The following KIF1A variants were observed in gnomAD, a reference collection of about 807,000 sequenced individuals.
KIF1A encodes the protein kinesin family member 1A, also known as kinesin-like protein KIF1A.
KIF1A carries 46 observed loss-of-function variants against 227.3 expected under a neutral mutation model. The ratio of observed to expected loss-of-function variants is 0.20; its 90% CI spans 0.16 to 0.26. The LOEUF is 0.26. Among genes scored for constraint, KIF1A ranks in the 10% least tolerant of loss-of-function variants. KIF1A has a pLI of 1.00. For synonymous variants in KIF1A, 1,022 were observed against 1,012.8 expected, an observed-to-expected ratio of 1.01 and a Z score of -0.17; for missense variants, 1,683 against 2,485.9, an observed-to-expected ratio of 0.68 and a Z score of 6.87.
Position 240,785,020 on chromosome 2 carries a change from T to C in KIF1A, c.689A>G (p.His230Arg), listed in dbSNP as rs760937139. 22 of 1,613,612 alleles carry C rather than the reference T, an allele frequency of 1.4e-5. No individual in the cohort carries two copies. The highest frequency in any genetic ancestry group is 1.8e-5 in the Non-Finnish European group (21 of 1,179,800). ...CGTGGTGATATTGGTCTCTGCGTCATGGCGCTTCTGGGTGAAGATGATGTT... is the reference window on the plus strand; with the variant it reads ...CGTGGTGATATTGGTCTCTGCGTCACGGCGCTTCTGGGTGAAGATGATGTT... The part of the protein sequence containing the change: ...VFNIIFTQKR[H>R]DAETNITTEK... The change falls in exon 7 of 49, where the codon CAT becomes CGT. Residue 230 changes from histidine to arginine, a missense_variant. Around this residue, in one of 12 missense-constraint regions of KIF1A, gnomAD observed 21 missense variants for 35.2 expected, o/e 0.60. Coordinates refer to ENST00000498729, the MANE Select transcript of KIF1A (RefSeq NM_001244008.2).
At chr2:240,784,448 C>T (rs1268997195) in intron 7 of KIF1A, among the ~76,000 whole-genome samples, 1 of 152,210 alleles carries the variant, frequency 6.6e-6, no homozygotes, top group East Asian at 1.9e-4. Flanking sequence ...CTCGTCTGTC[C>T]CCCAACCCAC....
At chr2:240,749,429 C>T (rs910274156) in intron 28 of KIF1A, among the ~76,000 whole-genome samples, 25 of 152,298 alleles carry the variant, frequency 1.6e-4, no homozygotes, top group African/African-American at 3.9e-4. Flanking sequence ...CATGGATGCA[C>T]GTCCTCTCTG....
chr2:240,800,738 G>A (rs749209758), intron 1 of KIF1A, among the ~76,000 whole-genome samples: 26 of 152,312 alleles, frequency 1.7e-4, no homozygotes, highest in Non-Finnish European at 3.1e-4. Context: ...AACCCAAGCT[G>A]AAAACCAAAG....
intron 16 of KIF1A, 149 bp from the exon 17 acceptor site, chr2:240,769,357 A>T (rs1037181041): frequency 1.4e-6 from 1 of 694,854 alleles, no homozygotes; most frequent in Non-Finnish European, 2.4e-6. Flanking sequence ...GGGTTAGGGC[A>T]TCTGCTGATG....
In KIF1A at chr2:240,763,361, G is replaced by A; in HGVS notation, c.1769-15C>T. On this transcript the variant is annotated splice_polypyrimidine_tract_variant and intron_variant, in intron 20 of 48. Coordinates refer to ENST00000498729, the MANE Select transcript of KIF1A (RefSeq NM_001244008.2). ...GATGCGGTTTCCTGGGGAACAGAGG[G>A]ACAGGTGGCCTTGAGGGATGGGGAT... 1.3e-6 allele frequency: 2 copies of A among 1,559,412 alleles called. No individual in the cohort carries two copies. The highest frequency in any genetic ancestry group is 1.7e-6 in the Non-Finnish European group (2 of 1,152,842).
intron 32 of KIF1A, among the ~76,000 whole-genome samples, chr2:240,744,853 G>C (rs1234167669): frequency 6.6e-6 from 1 of 152,174 alleles, no homozygotes; most frequent in African/African-American, 2.4e-5. Flanking sequence ...CCGTGGCCTG[G>C]CACTCAAGGC....
At chr2:240,784,965 C>G in intron 7 of KIF1A, 24 bp downstream of exon 7, 1 of 1,590,122 alleles carries the variant, frequency 6.3e-7, no homozygotes, top group Non-Finnish European at 8.6e-7. Flanking sequence ...CTTGGTGGCA[C>G]CGCCTGTGAG....
Position 240,718,046 on chromosome 2 carries a change from C to T in KIF1A, c.5333+4G>A. ...CAGCAACCTCGCCCTGCAGGCGGCC[C>T]TACCGTATGGTCCCGGCCAGGAGGG... is the stretch of plus-strand genomic sequence containing the variant. On this transcript the variant is annotated splice_donor_region_variant and intron_variant, in intron 48 of 48. Coordinates refer to ENST00000498729, the MANE Select transcript of KIF1A (RefSeq NM_001244008.2). 6.3e-7 allele frequency: 1 copy of T among 1,597,104 alleles called. No homozygotes were observed. Among genetic ancestry groups the T allele is most frequent in the Non-Finnish European group, 8.5e-7 (1 of 1,170,028 alleles).
At chr2:240,784,059 C>T (rs1013457188) in intron 7 of KIF1A, among the ~76,000 whole-genome samples, 3 of 152,204 alleles carry the variant, frequency 2.0e-5, no homozygotes, top group Admixed American at 6.5e-5. Context: ...GGAGCACGGG[C>T]GCTGCCACCA....
rs1029947991 is a variant in KIF1A, at chr2:240,743,841, G to C, written c.3584+101C>G. Reference sequence around the variant, plus strand: ...GGATGGGCAGGGGAGGTGGGTTTCAGGGGGTGCATAGGCTCTGCAGCCTCA... The same window carrying C: ...GGATGGGCAGGGGAGGTGGGTTTCACGGGGTGCATAGGCTCTGCAGCCTCA... On this transcript the variant is annotated intron_variant, in intron 33 of 48. Coordinates refer to ENST00000498729, the MANE Select transcript of KIF1A (RefSeq NM_001244008.2). 3.8e-6 allele frequency: 3 copies of C among 780,244 alleles called. No homozygotes were observed. The African/African-American group carries it at 5.1e-5, about 13-fold the overall frequency. The allele number at this position is 780,244 out of a possible 1,614,324, so 48.3% of individuals were successfully genotyped here.
chr2:240,729,684 T>C (rs2046396449), intron 38 of KIF1A, among the ~76,000 whole-genome samples: 1 of 152,226 alleles, frequency 6.6e-6, no homozygotes, highest in Admixed American at 6.5e-5. Flanking sequence ...TAGCAGAGAA[T>C]TTCTCAGTTC....
Position 240,715,010 on chromosome 2 carries a change from G to C in KIF1A, c.*2354C>G, listed in dbSNP as rs1250027800. 1.3e-5 allele frequency: 2 copies of C among 152,310 alleles called. No homozygotes were observed. Among genetic ancestry groups the C allele is most frequent in the Non-Finnish European group, 2.9e-5 (2 of 68,080 alleles). The allele number at this position is 152,310 out of a possible 1,614,324, so 9.4% of individuals were successfully genotyped here. On this transcript the variant is annotated 3_prime_UTR_variant, in exon 49 of 49. Coordinates refer to ENST00000498729, the MANE Select transcript of KIF1A (RefSeq NM_001244008.2). ...CTGGCCTCAGACACCTGCGACCTGG[G>C]GGGTGCGCCCAGACCCTTTGGAGGC...
At chr2:240,809,649 C>T (rs371029079) in intron 1 of KIF1A, among the ~76,000 whole-genome samples, 7 of 151,084 alleles carry the variant, frequency 4.6e-5, no homozygotes, top group East Asian at 3.9e-4. Flanking sequence ...TATATCTTCA[C>T]GCTACCCCTA....
At chr2:240,746,632 A>T (rs2048629340) in intron 29 of KIF1A, among the ~76,000 whole-genome samples, 1 of 152,206 alleles carries the variant, frequency 6.6e-6, no homozygotes, top group South Asian at 2.1e-4. Flanking sequence ...AGGTGACGGC[A>T]CGGCCAGGTG....
intron 46 of KIF1A, 38 bp downstream of exon 46, chr2:240,719,736 G>A (rs1406550348): frequency 1.3e-6 from 2 of 1,510,842 alleles, no homozygotes; most frequent in Non-Finnish European, 1.8e-6. Flanking sequence ...TGTCAGCACA[G>A]AGCTGGTGGC....
At position 240,718,991 on chromosome 2, in the gene KIF1A, C is replaced by T. The variant is rs562481679; in HGVS notation, c.5214+15G>A. ...GGGTTCCTGGTGCCCGAGCCTGAGC[C>T]GGGCCCAGCCGCACCTTGAGCATAG... On this transcript the variant is annotated intron_variant, in intron 47 of 48. Transcript: ENST00000498729. The T allele has an allele frequency of 4.5e-5, 71 of 1,591,344 alleles. No homozygotes were observed. Among genetic ancestry groups the T allele is most frequent in the African/African-American group, 1.5e-4 (11 of 74,526 alleles).
intron 14 of KIF1A, among the ~76,000 whole-genome samples, chr2:240,772,007 C>T (rs1356138898): frequency 6.6e-6 from 1 of 152,212 alleles, no homozygotes; most frequent in Non-Finnish European, 1.5e-5. Flanking sequence ...GCACTGAGCC[C>T]CATGGAGCCA....
chr2:240,762,940 A>G, intron 22 of KIF1A, 79 bp downstream of exon 22: 1 of 1,145,400 alleles, frequency 8.7e-7, no homozygotes, highest in Non-Finnish European at 1.1e-6. Flanking sequence ...GCAAGCAGGG[A>G]GGAGTGGGGG....
chr2:240,778,545 G>C lies in KIF1A; in HGVS notation c.883-2619C>G, dbSNP rs182984628. The stretch of plus-strand genomic sequence containing the variant: ...ACACACACACACACACACACACACA[G>C]GCTTCTCAGTGTCCCACGGGCCTCA... On this transcript the variant is annotated intron_variant, in intron 10 of 48. Transcript: ENST00000498729. The surrounding 1 kb of genome is among the most constrained non-coding windows in gnomAD (Gnocchi z 7.2). Among the ~76,000 whole-genome samples, 1,890 of 84,138 alleles carry C rather than the reference G, an allele frequency of 0.022. 44 individuals are homozygous for C. The highest frequency in any genetic ancestry group is 0.1 in the African/African-American group (1,723 of 16,762). The allele number at this position is 84,138 out of a possible 152,430, so 55.2% of individuals were successfully genotyped here.
Sources: gnomAD v4.1 joint callset for allele counts (sites outside exome capture counted in the v4.1 genomes callset) on GRCh38, gnomAD v4.1.1 for gene constraint, gnomAD v4.1.1 regional missense constraint, Gnocchi (gnomAD v3.1) non-coding constraint, MANE v1.5 for transcripts, NCBI Gene and HGNC (gene_info 2026-07-23, HGNC 2026-07-21) for gene names.